Variants in GALM observed in about 807,000 individuals in gnomAD.
The protein encoded by GALM is aldose 1-epimerase.
Under a neutral mutation model 37.4 loss-of-function variants are expected in GALM, and 43 were observed. That is an observed-to-expected ratio of 1.15 (90% CI 0.90 to 1.48). The LOEUF is 1.48. Ranked by LOEUF, GALM falls within the 40% of genes most tolerant of loss-of-function variation. The pLI is 0.00. For missense variants in GALM, 456 were observed against 419.1 expected (o/e 1.09, Z -0.77); for synonymous variants, 199 against 170.6 (o/e 1.17, Z -1.30).
intron 1 of GALM, chr2:38,669,311 CTG>C (rs1168437135): frequency 1.3e-5 from 2 of 152,240 alleles, no homozygotes; most frequent in African/African-American, 4.8e-5. Flanking sequence ...GTGAAAATCC[CTG>C]TCCTGTTGTG....
chr2:38,718,653 C>T (rs1666317292), intron 4 of GALM, among the ~76,000 whole-genome samples: 1 of 151,678 alleles, frequency 6.6e-6, no homozygotes, highest in Non-Finnish European at 1.5e-5. Context: ...CAGGATGGAC[C>T]TGTGCTGAGG....
At chr2:38,693,097 C>G (rs1448304813) in intron 4 of GALM, among the ~76,000 whole-genome samples, 2 of 152,206 alleles carry the variant, frequency 1.3e-5, no homozygotes, top group African/African-American at 4.8e-5. Context: ...AGCTGACTCA[C>G]AGGTGTGCCT....
chr2:38,685,617 A>G (rs1261803210), intron 3 of GALM, among the ~76,000 whole-genome samples: 2 of 152,264 alleles, frequency 1.3e-5, no homozygotes, highest in Non-Finnish European at 2.9e-5. Context: ...ATCAGCCTTG[A>G]AAGGAAATGA....
At position 38,675,908 on chromosome 2, in the gene GALM, G is replaced by C. The variant is rs1217988147; in HGVS notation, c.191-4G>C. The C allele has an allele frequency of 6.2e-7, 1 of 1,613,724 alleles. No individual in the cohort carries two copies. Among genetic ancestry groups the C allele is most frequent in the Non-Finnish European group, 8.5e-7 (1 of 1,179,948 alleles). The stretch of plus-strand genomic sequence containing the variant: ...AAAAGTGCTGTCATCCCTTGTCCTT[G>C]CAGGATACCTCCAAAAGCAGCCATA... On this transcript the variant is annotated splice_polypyrimidine_tract_variant and splice_region_variant and intron_variant, in intron 1 of 6. Coordinates refer to ENST00000272252, the MANE Select transcript of GALM (RefSeq NM_138801.3).
Position 38,729,713 on chromosome 2 carries a change from C to G in GALM, c.776+16C>G, listed in dbSNP as rs1355055001. On this transcript the variant is annotated intron_variant, in intron 5 of 6. Transcript: ENST00000272252. ...TTTGTGCAAGGTCAGGTACTTTTCA[C>G]TTCCTGAGTCTGTAAGGAAGAAATG... 6.2e-7 allele frequency: 1 copy of G among 1,602,056 alleles called. No homozygotes were observed. The highest frequency in any genetic ancestry group is 1.3e-5 in the African/African-American group (1 of 74,680).
rs770576965 is a variant in GALM, at chr2:38,666,328, T to G, written c.167T>G (p.Val56Gly). The part of the protein sequence containing the change: ...KDRQGRASDV[V>G]LGFAELEGYL... Reference sequence around the variant, plus strand: ...AGGCAGGGGAGAGCCTCGGACGTGGTGCTTGGCTTCGCCGAGTTGGAAGGT... The same window carrying G: ...AGGCAGGGGAGAGCCTCGGACGTGGGGCTTGGCTTCGCCGAGTTGGAAGGT... Residue 56 changes from valine (V) to glycine (G), a missense_variant, in exon 1 of 7, where the codon GTG becomes GGG. Transcript: ENST00000272252. The G allele has an allele frequency of 6.2e-7, 1 of 1,612,762 alleles. No individual in the cohort carries two copies. The highest frequency in any genetic ancestry group is 2.2e-5 in the East Asian group (1 of 44,776).
At chr2:38,693,568 T>C (rs1041440804) in intron 4 of GALM, among the ~76,000 whole-genome samples, 3 of 151,940 alleles carry the variant, frequency 2.0e-5, no homozygotes, top group African/African-American at 7.2e-5. Flanking sequence ...ATATGCACTA[T>C]CTACCGACTG....
intron 1 of GALM, among the ~76,000 whole-genome samples, chr2:38,675,279 T>G (rs962135736): frequency 2.0e-5 from 3 of 152,090 alleles, no homozygotes; most frequent in Non-Finnish European, 4.4e-5. Flanking sequence ...ATATTAGCAG[T>G]GGCTCTCTCG....
chr2:38,706,901 A>G (rs1666045239), intron 4 of GALM, among the ~76,000 whole-genome samples: 1 of 151,504 alleles, frequency 6.6e-6, no homozygotes, highest in African/African-American at 2.4e-5. Flanking sequence ...CGCTATTTTA[A>G]TAGTCCAAGC....
chr2:38,681,555 T>A, intron 3 of GALM, 69 bp downstream of exon 3: 1 of 1,337,226 alleles, frequency 7.5e-7, no homozygotes, highest in Non-Finnish European at 1.1e-6. Context: ...GCTAGAGAGA[T>A]CAGAGTAGTG....
intron 4 of GALM, among the ~76,000 whole-genome samples, chr2:38,716,979 A>G (rs1219777158): frequency 1.3e-5 from 2 of 152,242 alleles, no homozygotes; most frequent in Non-Finnish European, 2.9e-5. Flanking sequence ...GGCCGGGCAC[A>G]GTGGCTCATG....
intron 1 of GALM, chr2:38,671,541 G>C (rs1235152533): frequency 6.6e-6 from 1 of 151,316 alleles, no homozygotes; most frequent in African/African-American, 2.5e-5. Context: ...CCGCCCCCCT[G>C]ATCCAATTAC....
intron 1 of GALM, among the ~76,000 whole-genome samples, chr2:38,667,734 G>A (rs1409245699): frequency 6.6e-6 from 1 of 152,064 alleles, no homozygotes; most frequent in East Asian, 2.0e-4. Context: ...CTACTTGGGA[G>A]GCTGAGGCAG....
At chr2:38,723,932 T>G (rs11124645) in intron 4 of GALM, among the ~76,000 whole-genome samples, 87,359 of 152,028 alleles carry the variant, frequency 0.57, 26,252 homozygotes, top group East Asian at 0.81. Context: ...GATTCTCTCT[T>G]TTTTTGAGAC....
intron 1 of GALM, among the ~76,000 whole-genome samples, chr2:38,675,304 G>A (rs1460907750): frequency 2.0e-5 from 3 of 152,062 alleles, no homozygotes; most frequent in Non-Finnish European, 4.4e-5. Context: ...ATGAGATGAA[G>A]GATAATTTCA....
intron 3 of GALM, among the ~76,000 whole-genome samples, chr2:38,687,685 T>G (rs971905529): frequency 6.6e-6 from 1 of 150,674 alleles, no homozygotes. Context: ...CACTCCAGCC[T>G]GGGCGACACA....
At chr2:38,675,853 G>C in intron 1 of GALM, 59 bp from the exon 2 acceptor site, 1 of 1,546,678 alleles carries the variant, frequency 6.5e-7, no homozygotes, top group Non-Finnish European at 8.9e-7. Context: ...ACAGGTGTGA[G>C]CCACCGTGCC....
intron 4 of GALM, among the ~76,000 whole-genome samples, chr2:38,728,119 A>T (rs6544172): frequency 6.0e-5 from 9 of 150,486 alleles, no homozygotes; most frequent in East Asian, 3.9e-4. Context: ...TTAGGCCAGG[A>T]GTGGTGGCTC....
At chr2:38,680,566 C>T (rs192463442) in intron 2 of GALM, among the ~76,000 whole-genome samples, 124 of 152,140 alleles carry the variant, frequency 8.2e-4, no homozygotes, top group African/African-American at 2.9e-3. Context: ...TTGAACTCTG[C>T]CTAGGGAACA....
Sources: gnomAD v4.1 joint callset for allele counts (sites outside exome capture counted in the v4.1 genomes callset) on GRCh38, gnomAD v4.1.1 for gene constraint, MANE v1.5 for transcripts, NCBI Gene and HGNC (gene_info 2026-07-23, HGNC 2026-07-21) for gene names.